OPCML: variants seen among roughly 807,000 people sequenced by gnomAD.
OPCML encodes opioid-binding protein/cell adhesion molecule.
A neutral mutation model predicts 37.8 loss-of-function variants in OPCML; 13 were observed. That is an observed-to-expected ratio of 0.34 (90% CI 0.22 to 0.55). The LOEUF is 0.55. OPCML is among the 20% of genes least tolerant of loss of function. OPCML has a pLI of 0.91. For synonymous variants in OPCML, 176 were observed against 168.8 expected (o/e 1.04, Z -0.33); for missense variants, 341 against 435.6 (o/e 0.78, Z 1.93).
chr11:132,554,560 T>C (rs1456927214), intron 3 of OPCML, among the ~76,000 whole-genome samples: 1 of 152,216 alleles, frequency 6.6e-6, no homozygotes, highest in South Asian at 2.1e-4. Flanking sequence ...GGATGAGCTT[T>C]GCTGAGGACA....
At chr11:133,394,203 T>C (rs1422427710) in intron 1 of OPCML, among the ~76,000 whole-genome samples, 1 of 152,224 alleles carries the variant, frequency 6.6e-6, no homozygotes, top group African/African-American at 2.4e-5. Context: ...CAACATATTA[T>C]AGTTGCCAAA....
At chr11:132,742,509 C>G (rs140821112) in intron 2 of OPCML, among the ~76,000 whole-genome samples, 439 of 152,076 alleles carry the variant, frequency 2.9e-3, no homozygotes, top group Non-Finnish European at 3.8e-3. Flanking sequence ...CTTGGAGTTC[C>G]CAGACACCAG....
chr11:133,443,278 T>C (rs1946401240), intron 1 of OPCML, among the ~76,000 whole-genome samples: 1 of 152,216 alleles, frequency 6.6e-6, no homozygotes, highest in Non-Finnish European at 1.5e-5. Context: ...CACCTTTCTG[T>C]TTTAGGAAAG....
intron 1 of OPCML, among the ~76,000 whole-genome samples, chr11:133,475,858 T>C (rs915064866): frequency 6.6e-6 from 1 of 151,716 alleles, no homozygotes; most frequent in African/African-American, 2.4e-5. Context: ...GAAAATGCTT[T>C]CAGCCAAGAT....
chr11:133,157,205 C>A (rs1244891840), intron 1 of OPCML, among the ~76,000 whole-genome samples: 1 of 152,206 alleles, frequency 6.6e-6, no homozygotes, highest in Non-Finnish European at 1.5e-5. Flanking sequence ...CGGTGTACTG[C>A]GGGCACCACG....
intron 1 of OPCML, among the ~76,000 whole-genome samples, chr11:133,027,393 C>G: frequency 6.6e-6 from 1 of 152,042 alleles, no homozygotes; most frequent in East Asian, 1.9e-4. Flanking sequence ...AAGGTACTTA[C>G]CATAGACATG....
At chr11:132,491,924 A>AT (rs780995319) in intron 4 of OPCML, among the ~76,000 whole-genome samples, 30,564 of 133,136 alleles carry the variant, frequency 0.23, 3,686 homozygotes, top group East Asian at 0.37. Flanking sequence ...GACATACCTA[A>AT]TTTTTTTTTT....
At chr11:132,824,818 C>T (rs1434872132) in intron 2 of OPCML, among the ~76,000 whole-genome samples, 1 of 152,172 alleles carries the variant, frequency 6.6e-6, no homozygotes, top group Non-Finnish European at 1.5e-5. Context: ...TCTGTGACCC[C>T]ATCTCACACC....
intron 1 of OPCML, among the ~76,000 whole-genome samples, chr11:133,092,749 C>T (rs2137054983): frequency 6.6e-6 from 1 of 152,138 alleles, no homozygotes; most frequent in African/African-American, 2.4e-5. Context: ...AAACAAAACT[C>T]AAGAGCTGTT....
At chr11:132,524,118 C>T (rs976148604) in intron 4 of OPCML, among the ~76,000 whole-genome samples, 1 of 152,220 alleles carries the variant, frequency 6.6e-6, no homozygotes, top group African/African-American at 2.4e-5. Context: ...CTCCTTAGAA[C>T]ACAACAGACT....
At chr11:133,442,378 T>C (rs1946381403) in intron 1 of OPCML, among the ~76,000 whole-genome samples, 1 of 152,218 alleles carries the variant, frequency 6.6e-6, no homozygotes, top group Non-Finnish European at 1.5e-5. Context: ...TAGTGCAATA[T>C]GGTGGCCTCT....
At chr11:132,900,002 C>A (rs751815260) in intron 2 of OPCML, among the ~76,000 whole-genome samples, 1 of 152,062 alleles carries the variant, frequency 6.6e-6, no homozygotes, top group Non-Finnish European at 1.5e-5. Flanking sequence ...CATATGTAGA[C>A]GGCTGTCACG....
At chr11:133,444,767 C>CT (rs1946437086) in intron 1 of OPCML, among the ~76,000 whole-genome samples, 1 of 151,046 alleles carries the variant, frequency 6.6e-6, no homozygotes, top group Non-Finnish European at 1.5e-5. Context: ...TTTCCTTTTT[C>CT]TTTTTTCTAA....
chr11:132,761,649 G>A (rs181874138), intron 2 of OPCML, among the ~76,000 whole-genome samples: 4 of 151,738 alleles, frequency 2.6e-5, no homozygotes, highest in East Asian at 3.9e-4. Context: ...TGTGTTTTTC[G>A]GCTCCATCAC....
chr11:132,861,413 A>T (rs1204004469), intron 2 of OPCML, among the ~76,000 whole-genome samples: 1 of 152,268 alleles, frequency 6.6e-6, no homozygotes, highest in East Asian at 1.9e-4. Flanking sequence ...CAAAATAATT[A>T]TGTATTCAAA....
chr11:133,420,818 A>G (rs1945870520), intron 1 of OPCML: 1 of 985,326 alleles, frequency 1.0e-6, no homozygotes, highest in African/African-American at 1.7e-5. Flanking sequence ...ACTAGAAGGA[A>G]CATCGGGAGA....
chr11:132,993,098 A>T (rs1300024242), intron 1 of OPCML, among the ~76,000 whole-genome samples: 1 of 152,048 alleles, frequency 6.6e-6, no homozygotes, highest in Non-Finnish European at 1.5e-5. Flanking sequence ...CCCTCCTTCC[A>T]CTGGTTTGCC....
chr11:132,510,818 T>C (rs1440319707), intron 4 of OPCML, among the ~76,000 whole-genome samples: 1 of 152,056 alleles, frequency 6.6e-6, no homozygotes, highest in African/African-American at 2.4e-5. Flanking sequence ...GAATAGAAAA[T>C]AACTTCTCAA....
intron 1 of OPCML, among the ~76,000 whole-genome samples, chr11:133,508,538 C>T (rs980296688): frequency 6.6e-6 from 1 of 152,202 alleles, no homozygotes; most frequent in Non-Finnish European, 1.5e-5. Flanking sequence ...CAGCCATGGC[C>T]CTGGCTGACC....
Sources: allele counts gnomAD v4.1 joint callset (sites outside exome capture counted in the v4.1 genomes callset), GRCh38; gene constraint gnomAD v4.1.1; transcripts MANE v1.5; gene names NCBI Gene and HGNC (gene_info 2026-07-23, HGNC 2026-07-21).